TEX36: variants seen among roughly 807,000 people sequenced by gnomAD.
TEX36 encodes testis expressed 36.
In TEX36, 12 loss-of-function variants were observed where a neutral mutation model predicts 13.6. The ratio of observed to expected loss-of-function variants is 0.88; its 90% CI spans 0.56 to 1.43. The LOEUF is 1.43. TEX36 is among the 40% of genes most tolerant of loss of function. The pLI is 0.00. For missense variants in TEX36, 224 were observed against 228.3 expected, an observed-to-expected ratio of 0.98 and a Z score of 0.12; for synonymous variants, 93 against 83.0, an observed-to-expected ratio of 1.12 and a Z score of -0.65.
chr10:125,612,015 C>T (rs1232359675), intron 3 of TEX36, among the ~76,000 whole-genome samples: 14 of 151,468 alleles, frequency 9.2e-5, no homozygotes, highest in Admixed American at 3.3e-4. Flanking sequence ...CTGTAGCATG[C>T]GAGCCTCATG....
At chr10:125,624,373 G>A (rs991515102) in intron 3 of TEX36, among the ~76,000 whole-genome samples, 3 of 152,228 alleles carry the variant, frequency 2.0e-5, no homozygotes, top group Admixed American at 2.0e-4. Flanking sequence ...GACCAGAGAA[G>A]AAAGTGGGGA....
At chr10:125,610,412 T>C (rs868126612) in intron 3 of TEX36, among the ~76,000 whole-genome samples, 7 of 152,098 alleles carry the variant, frequency 4.6e-5, no homozygotes, top group Admixed American at 2.6e-4. Context: ...AGTGTGATCT[T>C]TGGAGCAGGG....
downstream of TEX36, among the ~76,000 whole-genome samples, chr10:125,619,797 C>T (rs1846405874): frequency 1.3e-5 from 2 of 152,100 alleles, no homozygotes; most frequent in South Asian, 4.2e-4. Flanking sequence ...CCTCATGATC[C>T]ACCTGCCTCC....
chr10:125,583,909 C>A (rs1433576664), intron 3 of TEX36, among the ~76,000 whole-genome samples: 1 of 152,142 alleles, frequency 6.6e-6, no homozygotes, highest in Admixed American at 6.5e-5. Flanking sequence ...GCTTCTCCCA[C>A]CCAGAGAGGC....
At chr10:125,608,972 TAAA>T (rs35828943) in intron 3 of TEX36, among the ~76,000 whole-genome samples, 8 of 83,366 alleles carry the variant, frequency 9.6e-5, no homozygotes, top group Non-Finnish European at 1.2e-4. Flanking sequence ...CCACCTCTAC[TAAA>T]AAAAAAAAAA....
intron 1 of TEX36, among the ~76,000 whole-genome samples, chr10:125,663,969 A>G (rs1589782094): frequency 6.6e-6 from 1 of 152,118 alleles, no homozygotes; most frequent in African/African-American, 2.4e-5. Flanking sequence ...ATATTTTTGT[A>G]CCATTTTCCA....
intron 3 of TEX36, among the ~76,000 whole-genome samples, chr10:125,600,262 G>A (rs1276461145): frequency 1.3e-5 from 2 of 152,318 alleles, no homozygotes; most frequent in South Asian, 2.1e-4. Context: ...TGAATCACAA[G>A]TTGATGTAGA....
At chr10:125,667,163 G>T in intron 1 of TEX36, 1 of 671,138 alleles carries the variant, frequency 1.5e-6, no homozygotes, top group Non-Finnish European at 2.8e-6. Flanking sequence ...GGGACAGCGG[G>T]GGGCACTGTG....
chr10:125,596,181 T>C (rs1435756929), intron 3 of TEX36, among the ~76,000 whole-genome samples: 1 of 144,480 alleles, frequency 6.9e-6, no homozygotes, highest in Non-Finnish European at 1.6e-5. Context: ...GTGAATATGT[T>C]GCCTTATACA....
chr10:125,640,116 T>C, intron 3 of TEX36: 1 of 982,922 alleles, frequency 1.0e-6, no homozygotes, highest in Non-Finnish European at 1.2e-6. Context: ...GTTTTTTCCG[T>C]TCAGAACTGG....
chr10:125,602,001 C>A (rs754673974), intron 3 of TEX36, among the ~76,000 whole-genome samples: 2 of 152,204 alleles, frequency 1.3e-5, no homozygotes, highest in African/African-American at 2.4e-5. Flanking sequence ...ATACCCCCAG[C>A]AGGGAGGCGA....
At chr10:125,638,782 G>C (rs1039331941) in intron 3 of TEX36, among the ~76,000 whole-genome samples, 5 of 152,186 alleles carry the variant, frequency 3.3e-5, no homozygotes, top group African/African-American at 7.2e-5. Context: ...CCTGTCCTGG[G>C]CCCGTGTGCA....
At chr10:125,648,480 T>G (rs1462278277) in intron 3 of TEX36, among the ~76,000 whole-genome samples, 1 of 152,124 alleles carries the variant, frequency 6.6e-6, no homozygotes, top group African/African-American at 2.4e-5. Flanking sequence ...AGAAAGGACA[T>G]CCACAACAAA....
intron 1 of TEX36, among the ~76,000 whole-genome samples, chr10:125,679,069 G>A (rs368567876): frequency 9.0e-4 from 136 of 151,482 alleles, no homozygotes; most frequent in African/African-American, 3.2e-3. Context: ...TCCTGCCAGG[G>A]TTTGCCCTCC....
intron 3 of TEX36, among the ~76,000 whole-genome samples, chr10:125,603,354 G>A (rs914283464): frequency 6.6e-6 from 1 of 152,104 alleles, no homozygotes; most frequent in African/African-American, 2.4e-5. Context: ...GGTGGGCAGG[G>A]CAGAGGTCAC....
chr10:125,599,503 G>A (rs17153242), intron 3 of TEX36, among the ~76,000 whole-genome samples: 6,429 of 152,142 alleles, frequency 0.042, 316 homozygotes, highest in Non-Finnish European at 0.051. Flanking sequence ...TTTGTAACAG[G>A]TGTCTTTCAG....
chr10:125,648,667 G>A (rs1846808364), intron 3 of TEX36, among the ~76,000 whole-genome samples: 1 of 152,230 alleles, frequency 6.6e-6, no homozygotes, highest in South Asian at 2.1e-4. Flanking sequence ...TTGACAAGTT[G>A]AGAGAAGAAG....
chr10:125,579,110 T>G (rs988345733), intron 3 of TEX36, among the ~76,000 whole-genome samples: 2 of 152,226 alleles, frequency 1.3e-5, no homozygotes, highest in Non-Finnish European at 2.9e-5. Flanking sequence ...GAATAACTTC[T>G]GCTTTACTTC....
intron 3 of TEX36, among the ~76,000 whole-genome samples, chr10:125,596,022 C>A (rs1483243192): frequency 6.6e-6 from 1 of 152,194 alleles, no homozygotes; most frequent in Non-Finnish European, 1.5e-5. Flanking sequence ...AAGATATTAG[C>A]AATCTGAATC....
Sources: allele counts gnomAD v4.1 joint callset (sites outside exome capture counted in the v4.1 genomes callset), GRCh38; gene constraint gnomAD v4.1.1; transcripts MANE v1.5; gene names NCBI Gene and HGNC (gene_info 2026-07-23, HGNC 2026-07-21).